KCTD1: variants seen among roughly 807,000 people sequenced by gnomAD.
KCTD1 encodes the protein potassium channel tetramerization domain containing 1, also known as BTB/POZ domain-containing protein KCTD1.
In KCTD1, 24 loss-of-function variants were observed where a neutral mutation model predicts 66.0. The ratio of observed to expected loss-of-function variants is 0.36; its 90% CI spans 0.26 to 0.51. KCTD1 has a LOEUF of 0.51. Among genes scored for constraint, KCTD1 ranks in the 20% least tolerant of loss-of-function variants. The probability of loss-of-function intolerance (pLI) is 0.95; values close to 1 mark genes in which losing one functional copy is unlikely to be tolerated. For synonymous variants in KCTD1, 511 were observed against 517.2 expected, an observed-to-expected ratio of 0.99 and a Z score of 0.16; for missense variants, 943 against 1,205.2, an observed-to-expected ratio of 0.78 and a Z score of 3.22.
At chr18:26,597,710 A>G (rs1361132779) in intron 1 of KCTD1, among the ~76,000 whole-genome samples, 6 of 146,772 alleles carry the variant, frequency 4.1e-5, no homozygotes, top group Admixed American at 2.1e-4. Context: ...CTGGAGTGCA[A>G]TGGCACGCTC....
chr18:26,470,298 T>C (rs1337499158), intron 3 of KCTD1, among the ~76,000 whole-genome samples: 1 of 151,980 alleles, frequency 6.6e-6, no homozygotes, highest in East Asian at 1.9e-4. Flanking sequence ...AATCCCTTTC[T>C]CAGCCACCAA....
intron 1 of KCTD1, chr18:26,543,893 A>AT (rs1985090430): frequency 6.6e-6 from 1 of 152,226 alleles, no homozygotes; most frequent in Non-Finnish European, 1.5e-5. Context: ...CTTTATTAGT[A>AT]TTTTCTCCTC....
At chr18:26,600,490 TG>T (rs201966909) in intron 1 of KCTD1, among the ~76,000 whole-genome samples, 4 of 151,134 alleles carry the variant, frequency 2.6e-5, no homozygotes, top group Non-Finnish European at 4.4e-5. Flanking sequence ...TGAAGCTGGC[TG>T]GGGGGGGTGC....
At chr18:26,519,940 G>A (rs12604528) in intron 1 of KCTD1, among the ~76,000 whole-genome samples, 102,064 of 152,044 alleles carry the variant, frequency 0.67, 34,513 homozygotes, top group East Asian at 0.9. Flanking sequence ...AAATCAATTC[G>A]GTTCAGTCTT....
At chr18:26,512,057 G>C (rs1190098303) in intron 1 of KCTD1, among the ~76,000 whole-genome samples, 4 of 152,176 alleles carry the variant, frequency 2.6e-5, no homozygotes, top group African/African-American at 4.8e-5. Flanking sequence ...AGTATCGAAA[G>C]CTAAATGTGC....
intron 1 of KCTD1, among the ~76,000 whole-genome samples, chr18:26,523,174 C>T (rs1223305310): frequency 3.9e-5 from 6 of 152,022 alleles, no homozygotes; most frequent in African/African-American, 1.5e-4. Flanking sequence ...GGACGATTAA[C>T]GATCAAGTAG....
intron 1 of KCTD1, among the ~76,000 whole-genome samples, chr18:26,557,398 T>G (rs1985732333): frequency 6.6e-6 from 1 of 152,216 alleles, no homozygotes; most frequent in Admixed American, 6.5e-5. Context: ...GCTTTAGTGG[T>G]CAACATGCTT....
chr18:26,634,583 T>C (rs1033027182), intron 1 of KCTD1, among the ~76,000 whole-genome samples: 3 of 152,132 alleles, frequency 2.0e-5, no homozygotes, highest in Admixed American at 6.5e-5. Context: ...ATGTATGATA[T>C]GATTACATGT....
At chr18:26,534,796 T>C (rs1397919216) in intron 1 of KCTD1, among the ~76,000 whole-genome samples, 1 of 152,218 alleles carries the variant, frequency 6.6e-6, no homozygotes, top group African/African-American at 2.4e-5. Context: ...CATAGAGATA[T>C]GAGTTTTGCT....
intron 4 of KCTD1, chr18:26,456,765 CTTAGA>C: frequency 6.6e-6 from 1 of 150,812 alleles, no homozygotes; most frequent in African/African-American, 2.5e-5. Context: ...ACCTGTGACT[CTTAGA>C]TTAGATAGAC....
intron 1 of KCTD1, among the ~76,000 whole-genome samples, chr18:26,590,194 C>G (rs943732639): frequency 6.6e-6 from 1 of 152,054 alleles, no homozygotes; most frequent in Non-Finnish European, 1.5e-5. Context: ...AGCAGTTCTC[C>G]TGCCTCAGCT....
chr18:26,461,077 C>A (rs772919721), intron 3 of KCTD1, among the ~76,000 whole-genome samples: 1 of 152,204 alleles, frequency 6.6e-6, no homozygotes, highest in African/African-American at 2.4e-5. Flanking sequence ...GGTCCGAGTG[C>A]CTCAAAGAGG....
chr18:26,569,696 C>A (rs907292757), intron 1 of KCTD1, among the ~76,000 whole-genome samples: 1 of 152,104 alleles, frequency 6.6e-6, no homozygotes, highest in African/African-American at 2.4e-5. Flanking sequence ...ACAGATAATT[C>A]CCAGCTCACC....
intron 1 of KCTD1, among the ~76,000 whole-genome samples, chr18:26,650,252 C>G (rs1988005462): frequency 6.6e-6 from 1 of 152,104 alleles, no homozygotes; most frequent in South Asian, 2.1e-4. Context: ...TTGTCAATGG[C>G]AAAAAGTACT....
chr18:26,570,184 T>A (rs370495978), intron 1 of KCTD1, among the ~76,000 whole-genome samples: 1 of 120,918 alleles, frequency 8.3e-6, no homozygotes. Flanking sequence ...AGACTCCATC[T>A]AAAAAAAATA....
rs191970298 is a variant in KCTD1 at position 26,484,768 on chromosome 18, G to A, written c.1989-8109C>T. 1.9e-3 allele frequency among the ~76,000 whole-genome samples: 282 copies of A among 152,268 alleles called. 1 individual carries two copies. The highest frequency in any genetic ancestry group is 3.4e-3 in the Middle Eastern group (1 of 294). On this transcript the variant is annotated intron_variant, in intron 2 of 4. Coordinates refer to ENST00000580059, the MANE Select transcript of KCTD1 (RefSeq NM_001142730.3). ...AAGGACAGAGGAGAGGGAACCAGCCGGCCTAGGCAGGCAGGGAAGGCCTCC... is the reference window on the plus strand; with the variant it reads ...AAGGACAGAGGAGAGGGAACCAGCCAGCCTAGGCAGGCAGGGAAGGCCTCC...
intron 1 of KCTD1, among the ~76,000 whole-genome samples, chr18:26,656,185 C>G (rs1988132879): frequency 6.6e-6 from 1 of 152,172 alleles, no homozygotes; most frequent in South Asian, 2.1e-4. Flanking sequence ...TTTAAGGGAA[C>G]CTAGGCCGCC....
chr18:26,657,344 A>C (rs1988180233), intron 1 of KCTD1: 4 of 984,970 alleles, frequency 4.1e-6, no homozygotes, highest in Middle Eastern at 1.0e-3. Context: ...AACAAACCCA[A>C]ACCGTCAGAT....
In KCTD1 at chr18:26,504,882, C is replaced by A. The variant is rs138223472; in HGVS notation, c.1810-3632G>T. ...ACTTCACCTGGATGGACACTGAAGTCCAGGATGGGATGCTGCTACCTGCAG... is the reference window on the plus strand; with the variant it reads ...ACTTCACCTGGATGGACACTGAAGTACAGGATGGGATGCTGCTACCTGCAG... On this transcript the variant is annotated intron_variant, in intron 1 of 4. Coordinates refer to ENST00000580059, the MANE Select transcript of KCTD1 (RefSeq NM_001142730.3). Among the ~76,000 whole-genome samples, 1,245 of 152,278 alleles carry A rather than the reference C, an allele frequency of 8.2e-3. 16 individuals carry two copies. The highest frequency in any genetic ancestry group is 0.028 in the African/African-American group (1,175 of 41,556).
Sources: gnomAD v4.1 joint callset for allele counts (sites outside exome capture counted in the v4.1 genomes callset) on GRCh38, gnomAD v4.1.1 for gene constraint, MANE v1.5 for transcripts, NCBI Gene and HGNC (gene_info 2026-07-23, HGNC 2026-07-21) for gene names.